ERI3: variants seen among roughly 807,000 people sequenced by gnomAD.
The protein encoded by ERI3 is ERI1 exoribonuclease family member 3.
Under a neutral mutation model 44.4 loss-of-function variants are expected in ERI3, and 18 were observed. The observed-to-expected ratio is 0.41, with a 90% CI of 0.28 to 0.60. The LOEUF (loss-of-function observed/expected upper bound fraction) is 0.60. Ranked by LOEUF, ERI3 falls within the 20% of genes least tolerant of loss-of-function variation. The pLI, the probability that ERI3 is intolerant of heterozygous loss-of-function variation, is 0.36. For missense variants in ERI3, 294 were observed against 435.5 expected, an observed-to-expected ratio of 0.68 and a Z score of 2.89; for synonymous variants, 183 against 164.8, an observed-to-expected ratio of 1.11 and a Z score of -0.84.
intron 6 of ERI3, among the ~76,000 whole-genome samples, chr1:44,288,537 A>C (rs1270066476): frequency 1.3e-5 from 2 of 152,298 alleles, no homozygotes; most frequent in East Asian, 3.9e-4. Flanking sequence ...ATCTGTGAGG[A>C]AGGTGGGTTA....
chr1:44,293,668 G>A (rs1645554029), intron 6 of ERI3, among the ~76,000 whole-genome samples: 1 of 152,210 alleles, frequency 6.6e-6, no homozygotes, highest in Non-Finnish European at 1.5e-5. Flanking sequence ...GAGTGGGAAT[G>A]TGACTTTCCC....
intron 3 of ERI3, among the ~76,000 whole-genome samples, chr1:44,323,585 G>T (rs1382554497): frequency 6.6e-6 from 1 of 152,170 alleles, no homozygotes; most frequent in Non-Finnish European, 1.5e-5. Flanking sequence ...CTCAAGTCTG[G>T]GCAAAGGGTG....
chr1:44,251,274 G>A (rs763057381), intron 7 of ERI3, among the ~76,000 whole-genome samples: 2 of 152,262 alleles, frequency 1.3e-5, no homozygotes, highest in Non-Finnish European at 2.9e-5. Flanking sequence ...GCAGGCCATG[G>A]AGTGGCCCAA....
At chr1:44,299,833 T>A (rs1447348496) in intron 6 of ERI3, among the ~76,000 whole-genome samples, 1 of 152,128 alleles carries the variant, frequency 6.6e-6, no homozygotes, top group African/African-American at 2.4e-5. Flanking sequence ...TCCAGCCAGG[T>A]GCCCAGCTGG....
At chr1:44,322,936 C>T (rs921746016) in intron 3 of ERI3, 4 of 1,440,632 alleles carry the variant, frequency 2.8e-6, no homozygotes, top group Admixed American at 5.2e-5. Flanking sequence ...GGCATTAATC[C>T]CAACACAAAG....
chr1:44,278,057 T>C (rs1386514039), intron 7 of ERI3, among the ~76,000 whole-genome samples: 1 of 152,228 alleles, frequency 6.6e-6, no homozygotes, highest in Non-Finnish European at 1.5e-5. Flanking sequence ...TATCCAAGTA[T>C]TATTTCACAT....
intron 7 of ERI3, among the ~76,000 whole-genome samples, chr1:44,269,665 C>T (rs140524142): frequency 7.0e-4 from 106 of 152,342 alleles, no homozygotes; most frequent in African/African-American, 2.3e-3. Flanking sequence ...CACTGACTTT[C>T]ATTGAACACA....
chr1:44,304,437 G>A (rs1440575523), intron 6 of ERI3, among the ~76,000 whole-genome samples: 1 of 152,202 alleles, frequency 6.6e-6, no homozygotes, highest in African/African-American at 2.4e-5. Flanking sequence ...GGAGAAGCCA[G>A]AGAAACAGAA....
At chr1:44,257,154 T>C (rs1644797896) in intron 7 of ERI3, among the ~76,000 whole-genome samples, 1 of 152,354 alleles carries the variant, frequency 6.6e-6, no homozygotes, top group South Asian at 2.1e-4. Context: ...ATTACATCTG[T>C]CACTGCATAA....
intron 7 of ERI3, among the ~76,000 whole-genome samples, chr1:44,253,933 A>T (rs890488983): frequency 6.6e-6 from 1 of 152,198 alleles, no homozygotes; most frequent in Non-Finnish European, 1.5e-5. Context: ...TGAATTCCTC[A>T]GTCACAGAAA....
chr1:44,223,180 A>G (rs192528807), intron 8 of ERI3, among the ~76,000 whole-genome samples: 1 of 152,216 alleles, frequency 6.6e-6, no homozygotes, highest in Admixed American at 6.5e-5. Flanking sequence ...GTGGAAAGAC[A>G]GATGGGTGGG....
In ERI3 at chr1:44,324,631, G is replaced by A. The variant is rs527899695; in HGVS notation, c.490-4887C>T. ...CGAGTAGCTGGGACTACAGGAGCCC[G>A]CCACCACATCCGGCTAATTTTTTTG... On this transcript the variant is annotated intron_variant, in intron 3 of 8. Transcript: ENST00000372257. 9.9e-5 allele frequency among the ~76,000 whole-genome samples: 15 copies of A among 152,012 alleles called. No individual in the cohort carries two copies. The South Asian group carries it at 1.9e-3, about 19-fold the overall frequency.
chr1:44,292,148 T>A (rs1415872944), intron 6 of ERI3, among the ~76,000 whole-genome samples: 1 of 151,974 alleles, frequency 6.6e-6, no homozygotes, highest in Non-Finnish European at 1.5e-5. Flanking sequence ...GCCACCTGCA[T>A]TGACAAGACA....
At chr1:44,248,306 T>C (rs1048886526) in intron 7 of ERI3, among the ~76,000 whole-genome samples, 26 of 151,800 alleles carry the variant, frequency 1.7e-4, no homozygotes, top group African/African-American at 6.1e-4. Context: ...CTCTAAGGAG[T>C]TCCCGTTCAC....
chr1:44,260,232 T>C (rs1310893360), intron 7 of ERI3, among the ~76,000 whole-genome samples: 8 of 152,220 alleles, frequency 5.3e-5, no homozygotes, highest in African/African-American at 1.9e-4. Flanking sequence ...TGTGATACAG[T>C]GAGTGGAGAG....
intron 3 of ERI3, among the ~76,000 whole-genome samples, chr1:44,334,883 G>T (rs1646501611): frequency 6.6e-6 from 1 of 152,178 alleles, no homozygotes. Context: ...CCAATAAGCT[G>T]ACTCAACTAA....
chr1:44,263,403 C>A (rs1170719262), intron 7 of ERI3, among the ~76,000 whole-genome samples: 2 of 152,212 alleles, frequency 1.3e-5, no homozygotes, highest in Non-Finnish European at 2.9e-5. Flanking sequence ...CCACACAGGC[C>A]CACACTGCCT....
chr1:44,339,440 A>C, intron 2 of ERI3, 118 bp from the exon 3 acceptor site: 1 of 1,113,452 alleles, frequency 9.0e-7, no homozygotes, highest in South Asian at 2.0e-5. Context: ...AGTCTTCAGG[A>C]ATATCCACGC....
intron 7 of ERI3, among the ~76,000 whole-genome samples, chr1:44,268,257 G>A (rs1341775164): frequency 8.0e-6 from 1 of 124,428 alleles, no homozygotes. Flanking sequence ...GAGTCCAGAG[G>A]TCCCAACCCA....
Sources: allele counts gnomAD v4.1 joint callset (sites outside exome capture counted in the v4.1 genomes callset), GRCh38; gene constraint gnomAD v4.1.1; transcripts MANE v1.5; gene names NCBI Gene and HGNC (gene_info 2026-07-23, HGNC 2026-07-21).